ADGRG2: variants seen among roughly 807,000 people sequenced by gnomAD.
ADGRG2 encodes the protein G protein-coupled receptor 64.
ADGRG2 carries 26 observed loss-of-function variants against 74.1 expected under a neutral mutation model. The ratio of observed to expected loss-of-function variants is 0.35; its 90% confidence interval spans 0.26 to 0.49. The LOEUF (loss-of-function observed/expected upper bound fraction) is 0.49. Among genes scored for constraint, ADGRG2 ranks in the 20% least tolerant of loss-of-function variants. The probability of loss-of-function intolerance (pLI) is 0.99; values close to 1 mark genes in which losing one functional copy is unlikely to be tolerated. For synonymous variants in ADGRG2, 296 were observed against 295.2 expected, an observed-to-expected ratio of 1.00 and a Z score of -0.03; for missense variants, 619 against 763.1, an observed-to-expected ratio of 0.81 and a Z score of 2.22.
intron 7 of ADGRG2, 126 bp downstream of exon 7, chrX:19,035,816 T>G (rs2060926479): frequency 2.5e-6 from 1 of 400,760 alleles, no homozygotes; most frequent in Admixed American, 4.0e-5. Flanking sequence ...AAATCAATGG[T>G]TGAAGGCACA....
At chrX:19,028,160 TAA>T in intron 10 of ADGRG2, 21 bp downstream of exon 10, 1 of 869,587 alleles carries the variant, frequency 1.1e-6, no homozygotes, top group Non-Finnish European at 1.7e-6. Flanking sequence ...AAGATTGCAG[TAA>T]AAAAAATCTT....
intron 1 of ADGRG2, among the ~76,000 whole-genome samples, chrX:19,101,777 T>C (rs2062193108): frequency 1.8e-5 from 2 of 110,591 alleles, no homozygotes; most frequent in South Asian, 7.8e-4. Flanking sequence ...TTTTGAAAAC[T>C]GATGCAGGGC....
chrX:19,090,564 C>A (rs769194694), intron 1 of ADGRG2, among the ~76,000 whole-genome samples: 7 of 112,039 alleles, frequency 6.2e-5, no homozygotes, highest in African/African-American at 2.3e-4. Context: ...AAAATCAATA[C>A]GTTCATCTTG....
intron 21 of ADGRG2, 47 bp from the exon 22 acceptor site, chrX:19,006,152 A>T (rs921826959): frequency 1.8e-6 from 2 of 1,101,632 alleles, no homozygotes; most frequent in Admixed American, 2.2e-5. Flanking sequence ...AGGCCACAGC[A>T]CCAGTGACTT....
chrX:19,050,606 A>C (rs1184437461), intron 3 of ADGRG2, among the ~76,000 whole-genome samples: 2 of 111,908 alleles, frequency 1.8e-5, no homozygotes, highest in Non-Finnish European at 3.8e-5. Context: ...TTACTGATGT[A>C]GTCAGTCGTG....
intron 11 of ADGRG2, 91 bp downstream of exon 11, chrX:19,027,128 C>A: frequency 1.5e-6 from 1 of 666,954 alleles, no homozygotes; most frequent in East Asian, 3.2e-5. Flanking sequence ...GGTCTCTTTC[C>A]CATTCTCAGT....
intron 2 of ADGRG2, among the ~76,000 whole-genome samples, chrX:19,077,429 G>A (rs1457330675): frequency 9.8e-6 from 1 of 102,257 alleles, no homozygotes; most frequent in Non-Finnish European, 2.0e-5. Context: ...CAGGAGAATC[G>A]CTAGAACCCA....
intron 1 of ADGRG2, among the ~76,000 whole-genome samples, chrX:19,122,232 T>A (rs1216869209): frequency 2.7e-5 from 3 of 112,485 alleles, no homozygotes; most frequent in African/African-American, 9.6e-5. Context: ...GCCCCGGGGC[T>A]GGGAGCTACG....
intron 16 of ADGRG2, 45 bp from the exon 17 acceptor site, chrX:19,010,823 C>A: frequency 2.0e-6 from 2 of 1,016,986 alleles, no homozygotes; most frequent in East Asian, 3.1e-5. Flanking sequence ...CAATGGAAAA[C>A]CCACTAATAA....
intron 22 of ADGRG2, among the ~76,000 whole-genome samples, chrX:19,005,700 C>T (rs752883926): frequency 9.1e-5 from 10 of 110,429 alleles, no homozygotes; most frequent in South Asian, 3.8e-4. Flanking sequence ...ACTACAGGTA[C>T]GCACCACCAC....
chrX:19,098,912 C>T (rs1465876358), intron 1 of ADGRG2, among the ~76,000 whole-genome samples: 1 of 112,598 alleles, frequency 8.9e-6, no homozygotes, highest in African/African-American at 3.2e-5. Flanking sequence ...AGGCCAGGTA[C>T]AGTAGCTCAT....
intron 3 of ADGRG2, among the ~76,000 whole-genome samples, chrX:19,052,555 T>G (rs2061341131): frequency 1.8e-5 from 2 of 108,915 alleles, no homozygotes; most frequent in African/African-American, 6.6e-5. Flanking sequence ...TTTATATTTA[T>G]TATATATTAT....
intron 3 of ADGRG2, among the ~76,000 whole-genome samples, chrX:19,067,427 T>C (rs2061585989): frequency 8.9e-6 from 1 of 112,348 alleles, no homozygotes; most frequent in South Asian, 3.7e-4. Flanking sequence ...GAAATGTGGC[T>C]GGAAAACAAT....
chrX:19,018,085 G>A (rs767993581), intron 15 of ADGRG2, among the ~76,000 whole-genome samples: 15 of 110,772 alleles, frequency 1.4e-4, no homozygotes, highest in Admixed American at 2.9e-4. Context: ...CTCAACTTTG[G>A]TTGCACATTA....
intron 15 of ADGRG2, among the ~76,000 whole-genome samples, chrX:19,018,057 G>T (rs1251450532): frequency 1.8e-5 from 2 of 111,553 alleles, no homozygotes; most frequent in Non-Finnish European, 3.8e-5. Flanking sequence ...TTGGAGCAAT[G>T]ATTTTAAGGC....
At chrX:19,057,401 A>C (rs900449017) in intron 3 of ADGRG2, among the ~76,000 whole-genome samples, 2 of 112,147 alleles carry the variant, frequency 1.8e-5, no homozygotes, top group African/African-American at 6.5e-5. Flanking sequence ...AGTTCATAGA[A>C]ATCCACTTCA....
rs2060221780 is a variant in ADGRG2 at position 19,005,941 on chromosome X, G to A, written c.1839+61C>T. ...TCCATCCATCAGATTAGACATTGTA[G>A]TGTGATGCCCAGCTACCCCTCAGAC... On this transcript the variant is annotated intron_variant, in intron 22 of 28. Transcript: ENST00000379869. 7.5e-6 allele frequency: 5 copies of A among 666,583 alleles called. No individual in the cohort carries two copies. The South Asian group carries it at 1.1e-4, about 15-fold the overall frequency. 54.9% of individuals were successfully genotyped at this position (666,583 alleles called of 1,213,427 possible).
At chrX:19,097,371 C>T (rs1482148652) in intron 1 of ADGRG2, among the ~76,000 whole-genome samples, 1 of 112,153 alleles carries the variant, frequency 8.9e-6, no homozygotes, top group Non-Finnish European at 1.9e-5. Flanking sequence ...ATTAGCCAGG[C>T]GTGGTAGCAG....
At chrX:19,051,242 T>G (rs2061315671) in intron 3 of ADGRG2, among the ~76,000 whole-genome samples, 1 of 110,869 alleles carries the variant, frequency 9.0e-6, no homozygotes, top group African/African-American at 3.3e-5. Flanking sequence ...GCCCGGCTAA[T>G]TTTTTGTATT....
Sources: gnomAD v4.1 joint callset for allele counts (sites outside exome capture counted in the v4.1 genomes callset) on GRCh38, gnomAD v4.1.1 for gene constraint, MANE v1.5 for transcripts, NCBI Gene and HGNC (gene_info 2026-07-23, HGNC 2026-07-21) for gene names.